Variants in ZNF679 observed in about 807,000 individuals in gnomAD.
The protein encoded by ZNF679 is hypothetical protein MGC42415.
ZNF679 carries 10 observed loss-of-function variants against 13.4 expected under a neutral mutation model. The ratio of observed to expected loss-of-function variants is 0.75; its 90% CI spans 0.46 to 1.27. The LOEUF (loss-of-function observed/expected upper bound fraction) is 1.27. Ranked by LOEUF, ZNF679 falls within the 50% of genes most tolerant of loss-of-function variation. ZNF679 has a pLI of 0.00. For synonymous variants in ZNF679, 179 were observed against 162.5 expected, an observed-to-expected ratio of 1.10 and a Z score of -0.77; for missense variants, 525 against 477.8, an observed-to-expected ratio of 1.10 and a Z score of -0.92.
chr7:64,242,102 C>A (rs539818036), intron 1 of ZNF679, among the ~76,000 whole-genome samples: 1 of 152,336 alleles, frequency 6.6e-6, no homozygotes, highest in South Asian at 2.1e-4. Flanking sequence ...AGGGGAGTCA[C>A]AGCCTCACAG....
rs1787736061 is a variant in ZNF679 at position 64,237,005 on chromosome 7, G to GAA, written c.-91+8355_-91+8356dup. ...AAAGAAAGAAAGAAAGAAAGAAAAA[G>GAA]AAAGAAAGAAAGAAAGAAACCTATG... On this transcript the variant is annotated intron_variant, in intron 1 of 4. Coordinates refer to ENST00000421025, the MANE Select transcript of ZNF679 (RefSeq NM_153363.3). Among the ~76,000 whole-genome samples, 242 of 110,840 alleles carry GAA rather than the reference G, an allele frequency of 2.2e-3. 1 individual carries two copies. Among genetic ancestry groups the GAA allele is most frequent in the Non-Finnish European group, 3.3e-3 (174 of 52,820 alleles). 72.7% of individuals were successfully genotyped at this position (110,840 alleles called of 152,430 possible). A position where few individuals can be genotyped will look rare whatever the true frequency, so the allele number is the denominator to read the frequency against.
chr7:64,242,942 G>A (rs1425758365), intron 1 of ZNF679, among the ~76,000 whole-genome samples: 2 of 152,130 alleles, frequency 1.3e-5, no homozygotes, highest in South Asian at 2.1e-4. Flanking sequence ...ACATGGGATG[G>A]CCAATATTCT....
chr7:64,239,663 A>G (rs1787769711), intron 1 of ZNF679, among the ~76,000 whole-genome samples: 1 of 151,960 alleles, frequency 6.6e-6, no homozygotes, highest in Non-Finnish European at 1.5e-5. Flanking sequence ...GCCCACAGGT[A>G]AGGTTATGAC....
At chr7:64,240,226 T>C in intron 1 of ZNF679, among the ~76,000 whole-genome samples, 1 of 152,142 alleles carries the variant, frequency 6.6e-6, no homozygotes, top group East Asian at 1.9e-4. Flanking sequence ...CTCTCCTCTG[T>C]TGTCTGGACT....
chr7:64,245,140 C>A (rs1787849955), intron 1 of ZNF679, among the ~76,000 whole-genome samples: 1 of 152,166 alleles, frequency 6.6e-6, no homozygotes, highest in South Asian at 2.1e-4. Context: ...GTTCTCCCTG[C>A]CCCAGCCTCC....
chr7:64,255,954 T>C (rs932608129), intron 2 of ZNF679, among the ~76,000 whole-genome samples: 1 of 152,126 alleles, frequency 6.6e-6, no homozygotes, highest in African/African-American at 2.4e-5. Flanking sequence ...ACAGTACATA[T>C]GCAAGTTTGT....
chr7:64,257,667 AC>A (rs1788020982), intron 2 of ZNF679, among the ~76,000 whole-genome samples: 1 of 152,216 alleles, frequency 6.6e-6, no homozygotes, highest in Non-Finnish European at 1.5e-5. Flanking sequence ...ACCTACTCAG[AC>A]ATTGCTGCCT....
chr7:64,248,565 C>T (rs1787898960), intron 1 of ZNF679, among the ~76,000 whole-genome samples: 1 of 152,114 alleles, frequency 6.6e-6, no homozygotes, highest in Non-Finnish European at 1.5e-5. Context: ...CAGGCCTGAG[C>T]CCCCACGCCT....
intron 1 of ZNF679, among the ~76,000 whole-genome samples, chr7:64,236,975 A>AAGAAAG (rs201487010): frequency 1.8e-3 from 30 of 16,266 alleles, no homozygotes; most frequent in African/African-American, 3.3e-3. Flanking sequence ...GAAAGAAAGA[A>AAGAAAG]AAAGAAAGAA....
chr7:64,236,955 AAGAAAGAAAGAAAGAAAG>A (rs1357606585), intron 1 of ZNF679, among the ~76,000 whole-genome samples: 1 of 37,406 alleles, frequency 2.7e-5, no homozygotes, highest in East Asian at 1.3e-3. Context: ...GAAAGAAAGA[AAGAAAGAAAGAAAGAAAG>A]AAAAAGAAAG....
intron 2 of ZNF679, among the ~76,000 whole-genome samples, chr7:64,252,938 G>A (rs944250353): frequency 4.6e-5 from 7 of 152,134 alleles, no homozygotes; most frequent in African/African-American, 1.2e-4. Context: ...GGCTGGTCTC[G>A]AACTCCTGAC....
chr7:64,246,120 A>G (rs544753972), intron 1 of ZNF679, among the ~76,000 whole-genome samples: 4 of 152,314 alleles, frequency 2.6e-5, no homozygotes, highest in Admixed American at 6.5e-5. Context: ...AAATCTTAGG[A>G]AAGACTAACT....
chr7:64,258,246 G>A (rs1421728721), intron 2 of ZNF679, among the ~76,000 whole-genome samples: 3 of 152,156 alleles, frequency 2.0e-5, no homozygotes. Context: ...TCTTTCTGCC[G>A]TGGGTGTGTG....
At chr7:64,265,508 C>T (rs942244512) in intron 4 of ZNF679, among the ~76,000 whole-genome samples, 1 of 152,222 alleles carries the variant, frequency 6.6e-6, no homozygotes, top group Admixed American at 6.5e-5. Context: ...ACAGAAAGGC[C>T]TCCATAAGCC....
intron 1 of ZNF679, among the ~76,000 whole-genome samples, chr7:64,245,424 A>AGAGAGAGAGAGAGAGAGAGG (rs1787854983): frequency 1.1e-5 from 1 of 91,814 alleles, no homozygotes; most frequent in Non-Finnish European, 2.2e-5. Flanking sequence ...AGAGAGAAAG[A>AGAGAGAGAGAGAGAGAGAGG]GAGAGAGAGA....
intron 1 of ZNF679, among the ~76,000 whole-genome samples, chr7:64,239,354 A>C (rs1420067670): frequency 6.6e-6 from 1 of 152,202 alleles, no homozygotes; most frequent in Non-Finnish European, 1.5e-5. Flanking sequence ...TGACTCATGT[A>C]CTTGGACCTA....
At chr7:64,252,741 G>C (rs1443007553) in intron 2 of ZNF679, among the ~76,000 whole-genome samples, 1 of 151,930 alleles carries the variant, frequency 6.6e-6, no homozygotes, top group East Asian at 1.9e-4. Flanking sequence ...TTTTTGAGAC[G>C]GAGTCTCACT....
chr7:64,236,903 A>G (rs987841780), intron 1 of ZNF679, among the ~76,000 whole-genome samples: 2 of 137,982 alleles, frequency 1.4e-5, no homozygotes, highest in African/African-American at 5.1e-5. Flanking sequence ...AAAGAAAAAG[A>G]AAAAAAGAAA....
Position 64,255,986 on chromosome 7 carries a change from T to C in ZNF679, c.40-4235T>C, listed in dbSNP as rs192400206. The stretch of plus-strand genomic sequence containing the variant: ...TTGTTATATAGGTAAAATCATATCA[T>C]GAAGTTTTTGTGTGCAGATTATTTT... On this transcript the variant is annotated intron_variant, in intron 2 of 4. Coordinates refer to ENST00000421025, the MANE Select transcript of ZNF679 (RefSeq NM_153363.3). Among the ~76,000 whole-genome samples the C allele has an allele frequency of 1.1e-3, 164 of 152,258 alleles. 1 individual carries two copies. The highest frequency in any genetic ancestry group is 3.8e-3 in the African/African-American group (156 of 41,552).
Sources: allele counts gnomAD v4.1 joint callset (sites outside exome capture counted in the v4.1 genomes callset), GRCh38; gene constraint gnomAD v4.1.1; transcripts MANE v1.5; gene names NCBI Gene and HGNC (gene_info 2026-07-23, HGNC 2026-07-21).